Variants in UBE2W observed in about 807,000 individuals in gnomAD.
The protein encoded by UBE2W is ubiquitin-conjugating enzyme E2 W.
Under a neutral mutation model 27.2 loss-of-function variants are expected in UBE2W, and 18 were observed. The ratio of observed to expected loss-of-function variants is 0.66; its 90% CI spans 0.46 to 0.98. The LOEUF is 0.98. UBE2W is among the 50% of genes least tolerant of loss of function. The pLI is 0.00. For missense variants in UBE2W, 90 were observed against 180.2 expected (o/e 0.50, Z 2.87); for synonymous variants, 53 against 57.2 (o/e 0.93, Z 0.33).
chr8:73,790,766 A>C lies in UBE2W; in HGVS notation c.*3336T>G. On this transcript the variant is annotated 3_prime_UTR_variant, in exon 6 of 6. Transcript: ENST00000602593. ...AAATAAGACTTGATTACCAGAAACA[A>C]GTAATATGTAGTTACATAACCATTT... The C allele has an allele frequency of 1.0e-6, 1 of 977,734 alleles. No homozygotes were observed. The highest frequency in any genetic ancestry group is 1.2e-6 in the Non-Finnish European group (1 of 822,960). 60.6% of individuals were successfully genotyped at this position (977,734 alleles called of 1,614,324 possible).
downstream of UBE2W, among the ~76,000 whole-genome samples, chr8:73,784,559 G>A (rs1449374963): frequency 6.6e-6 from 1 of 152,136 alleles, no homozygotes; most frequent in Non-Finnish European, 1.5e-5. Context: ...TAGGAAGAAA[G>A]TATCTTCCTC....
chr8:73,821,643 G>A (rs1315245147), intron 3 of UBE2W, among the ~76,000 whole-genome samples: 1 of 151,180 alleles, frequency 6.6e-6, no homozygotes, highest in Non-Finnish European at 1.5e-5. Context: ...TATTGGCACC[G>A]TGAAAGGATG....
chr8:73,865,446 T>C (rs1196407158), intron 1 of UBE2W, among the ~76,000 whole-genome samples: 1 of 152,098 alleles, frequency 6.6e-6, no homozygotes, highest in Non-Finnish European at 1.5e-5. Context: ...AACTCATCTC[T>C]ACCAAAAATA....
rs990252018 is a variant in UBE2W at position 73,793,110 on chromosome 8, A to G, written c.*992T>C. 4 of 985,864 alleles carry G rather than the reference A, an allele frequency of 4.1e-6. No homozygotes were observed. In the African/African-American group the frequency reaches 7.0e-5, roughly 17 times the overall value. 61.1% of individuals were successfully genotyped at this position (985,864 alleles called of 1,614,324 possible). ...GTAACATTCAAACTTGACTTATAAC[A>G]AAAGAAACAAGATTGCAAACAAAAA... is the stretch of plus-strand genomic sequence containing the variant. On this transcript the variant is annotated 3_prime_UTR_variant, in exon 6 of 6. Transcript: ENST00000602593.
rs1040156550 is a variant in UBE2W, at chr8:73,790,729, T to C, written c.*3373A>G. ...TAAATATCTCAATTCTGAAAAACAATAGGCTTTTAAAAAATAAGACTTGAT... is the reference window on the plus strand; with the variant it reads ...TAAATATCTCAATTCTGAAAAACAACAGGCTTTTAAAAAATAAGACTTGAT... On this transcript the variant is annotated 3_prime_UTR_variant, in exon 6 of 6. Coordinates refer to ENST00000602593, the MANE Select transcript of UBE2W (RefSeq NM_018299.6). 2.8e-5 allele frequency: 27 copies of C among 975,130 alleles called. No homozygotes were observed. The highest frequency in any genetic ancestry group is 6.2e-5 in the Admixed American group (1 of 16,228). The allele number at this position is 975,130 out of a possible 1,614,324, so 60.4% of individuals were successfully genotyped here.
intron 1 of UBE2W, among the ~76,000 whole-genome samples, chr8:73,840,775 G>A (rs1810506039): frequency 6.6e-6 from 1 of 152,054 alleles, no homozygotes; most frequent in East Asian, 1.9e-4. Context: ...GCAATTGGAG[G>A]AAAAAAATCT....
chr8:73,878,554 T>C (rs1013671226), intron 1 of UBE2W, among the ~76,000 whole-genome samples: 2 of 152,082 alleles, frequency 1.3e-5, no homozygotes, highest in Non-Finnish European at 2.9e-5. Flanking sequence ...TGCCCTTTCT[T>C]CCCCAACCCT....
chr8:73,787,771 T>C lies in UBE2W; in HGVS notation c.*6331A>G, dbSNP rs1808019375. 2.0e-6 allele frequency: 2 copies of C among 985,454 alleles called. No homozygotes were observed. Among genetic ancestry groups the C allele is most frequent in the Non-Finnish European group, 2.4e-6 (2 of 829,932 alleles). The allele number at this position is 985,454 out of a possible 1,614,324, so 61.0% of individuals were successfully genotyped here. A position where few individuals can be genotyped will look rare whatever the true frequency, so the allele number is the denominator to read the frequency against. On this transcript the variant is annotated 3_prime_UTR_variant, in exon 6 of 6. Coordinates refer to ENST00000602593, the MANE Select transcript of UBE2W (RefSeq NM_018299.6). The stretch of plus-strand genomic sequence containing the variant: ...ACTCCAGAAAGCATCCAGAAGTTCT[T>C]AGAGTATGCCCTTAATTGTACAACT...
In UBE2W at chr8:73,790,303, A is replaced by T. The variant is rs1206893925; in HGVS notation, c.*3799T>A. ...GAAAAATAAAGGACAGATTTAAAAC[A>T]ATTTAAAAAGGACTACAAAGAGGAT... On this transcript the variant is annotated 3_prime_UTR_variant, in exon 6 of 6. Transcript: ENST00000602593. The T allele has an allele frequency of 1.1e-5, 11 of 985,300 alleles. No homozygotes were observed. The highest frequency in any genetic ancestry group is 1.3e-5 in the Non-Finnish European group (11 of 829,926). 61.0% of individuals were successfully genotyped at this position (985,300 alleles called of 1,614,324 possible). A position where few individuals can be genotyped will look rare whatever the true frequency, so the allele number is the denominator to read the frequency against.
intron 3 of UBE2W, among the ~76,000 whole-genome samples, chr8:73,814,687 T>A (rs1385570293): frequency 6.6e-6 from 1 of 152,042 alleles, no homozygotes; most frequent in Non-Finnish European, 1.5e-5. Flanking sequence ...CCTGGCTAAT[T>A]TTTTGTATTT....
chr8:73,858,392 T>C (rs1178079986), intron 1 of UBE2W, among the ~76,000 whole-genome samples: 2 of 148,418 alleles, frequency 1.3e-5, no homozygotes, highest in Non-Finnish European at 3.0e-5. Context: ...ACATAAAATA[T>C]ATTTATGACA....
chr8:73,825,726 G>A (rs867358544), intron 2 of UBE2W, among the ~76,000 whole-genome samples: 3 of 152,030 alleles, frequency 2.0e-5, no homozygotes, highest in Non-Finnish European at 4.4e-5. Context: ...GCTTGAACCC[G>A]GGAGGCAGAG....
intron 1 of UBE2W, among the ~76,000 whole-genome samples, chr8:73,839,860 T>C (rs1453895739): frequency 1.3e-5 from 2 of 150,306 alleles, no homozygotes; most frequent in Non-Finnish European, 3.0e-5. Flanking sequence ...GCCTCCCGAG[T>C]AGGTGGGACT....
At chr8:73,800,179 GAAGA>G in intron 5 of UBE2W, among the ~76,000 whole-genome samples, 1 of 152,152 alleles carries the variant, frequency 6.6e-6, no homozygotes, top group East Asian at 1.9e-4. Context: ...AAAAAAAAGT[GAAGA>G]AAAAGTTCAA....
chr8:73,804,868 G>C (rs1343271640), intron 5 of UBE2W, among the ~76,000 whole-genome samples: 2 of 151,682 alleles, frequency 1.3e-5, no homozygotes, highest in African/African-American at 2.4e-5. Context: ...GGAATTAGCT[G>C]CAAGCCACCA....
chr8:73,791,842 A>C lies in UBE2W; in HGVS notation c.*2260T>G. 1 of 984,794 alleles carries C rather than the reference A, an allele frequency of 1.0e-6. No homozygotes were observed. The highest frequency in any genetic ancestry group is 4.7e-5 in the South Asian group (1 of 21,284). 61.0% of individuals were successfully genotyped at this position (984,794 alleles called of 1,614,324 possible). ...CCTCTACTTTCCTCTGTGTCATTTT[A>C]GTTTACTTTATGGTATTTATATGTA... On this transcript the variant is annotated 3_prime_UTR_variant, in exon 6 of 6. Transcript: ENST00000602593.
chr8:73,855,509 G>T (rs1000009912), intron 1 of UBE2W, among the ~76,000 whole-genome samples: 5 of 140,360 alleles, frequency 3.6e-5, no homozygotes, highest in Non-Finnish European at 7.5e-5. Flanking sequence ...TCAAGCAATT[G>T]TCCTGCCTCA....
chr8:73,820,501 C>T (rs775861161), intron 3 of UBE2W, among the ~76,000 whole-genome samples: 14 of 151,918 alleles, frequency 9.2e-5, no homozygotes, highest in Non-Finnish European at 1.8e-4. Context: ...CTTTGACAGG[C>T]CGAGGCGAGC....
At chr8:73,820,859 A>G (rs533091108) in intron 3 of UBE2W, among the ~76,000 whole-genome samples, 4 of 152,208 alleles carry the variant, frequency 2.6e-5, no homozygotes, top group African/African-American at 9.6e-5. Flanking sequence ...GCTGAGGTGG[A>G]AGGATCACTT....
Sources: allele counts gnomAD v4.1 joint callset (sites outside exome capture counted in the v4.1 genomes callset), GRCh38; gene constraint gnomAD v4.1.1; transcripts MANE v1.5; gene names NCBI Gene and HGNC (gene_info 2026-07-23, HGNC 2026-07-21).